EPB41L4B: variants seen among roughly 807,000 people sequenced by gnomAD.
EPB41L4B encodes the protein band 4.1-like protein 4B.
In EPB41L4B, 30 loss-of-function variants were observed where a neutral mutation model predicts 112.5. That is an observed-to-expected ratio of 0.27 (90% CI 0.20 to 0.36). The LOEUF is 0.36. Among genes scored for constraint, EPB41L4B ranks in the 10% least tolerant of loss-of-function variants. EPB41L4B has a pLI of 1.00. For missense variants in EPB41L4B, 1,024 were observed against 1,133.3 expected (o/e 0.90, Z 1.38); for synonymous variants, 408 against 439.7 (o/e 0.93, Z 0.90).
chr9:109,246,828 G>A (rs1834576143), intron 14 of EPB41L4B, among the ~76,000 whole-genome samples: 1 of 152,216 alleles, frequency 6.6e-6, no homozygotes, highest in Non-Finnish European at 1.5e-5. Context: ...AAACGTACCT[G>A]TGCTCCTTCC....
chr9:109,256,563 G>A (rs1444617085), intron 7 of EPB41L4B, 83 bp from the exon 8 acceptor site: 16 of 1,171,814 alleles, frequency 1.4e-5, no homozygotes, highest in African/African-American at 4.6e-5. Context: ...ACTATGGAAC[G>A]TTATGCAGCA....
chr9:109,224,610 G>A (rs375724709), intron 15 of EPB41L4B, among the ~76,000 whole-genome samples: 2 of 152,142 alleles, frequency 1.3e-5, no homozygotes, highest in African/African-American at 2.4e-5. Context: ...TGATGAAAAT[G>A]TTCTAAAATT....
intron 1 of EPB41L4B, among the ~76,000 whole-genome samples, chr9:109,311,025 G>A (rs1588238636): frequency 6.6e-6 from 1 of 152,238 alleles, no homozygotes. Context: ...GTGGTTGCCC[G>A]GGGTTTGGGG....
At chr9:109,279,380 C>T (rs1835951192) in intron 2 of EPB41L4B, among the ~76,000 whole-genome samples, 1 of 152,002 alleles carries the variant, frequency 6.6e-6, no homozygotes, top group Non-Finnish European at 1.5e-5. Context: ...CCATGCCTGG[C>T]TAATTTTTGT....
rs543752043 is a variant in EPB41L4B, at chr9:109,176,709, C to G, written c.2488-13G>C. 3.1e-4 allele frequency: 506 copies of G among 1,613,126 alleles called. 12 individuals are homozygous for G. The South Asian group carries it at 5.3e-3, about 17-fold the overall frequency. On this transcript the variant is annotated splice_polypyrimidine_tract_variant and intron_variant, in intron 24 of 25. Coordinates refer to ENST00000374566, the MANE Select transcript of EPB41L4B (RefSeq NM_019114.5). ...CTCTGAAGTCTGCCTGGAGAAGAAA[C>G]AGGAAAGAGGAGATCAATCTCAATT...
intron 15 of EPB41L4B, among the ~76,000 whole-genome samples, chr9:109,222,335 G>A (rs188545703): frequency 2.0e-4 from 30 of 152,224 alleles, no homozygotes; most frequent in Admixed American, 3.3e-4. Flanking sequence ...AGAATGACTC[G>A]GGTGCTTTCT....
intron 2 of EPB41L4B, among the ~76,000 whole-genome samples, chr9:109,273,192 C>T (rs951602054): frequency 2.0e-5 from 3 of 152,228 alleles, no homozygotes; most frequent in Non-Finnish European, 2.9e-5. Context: ...CAGGAAAACA[C>T]TCGGCCTGCC....
In EPB41L4B at chr9:109,278,003, G is replaced by T. The variant is rs973126750; in HGVS notation, c.411+1814C>A. On this transcript the variant is annotated intron_variant, in intron 2 of 25. Transcript: ENST00000374566. ...AACAGTGTCCAGAATATGTAGGAGG[G>T]CCAGTAACTTCAGTCCTGAGGCTAC... Among the ~76,000 whole-genome samples, 8 of 152,134 alleles carry T rather than the reference G, an allele frequency of 5.3e-5. No individual in the cohort carries two copies. In the South Asian group the frequency reaches 1.7e-3, roughly 32 times the overall value.
At chr9:109,198,925 CAA>C (rs56042513) in intron 20 of EPB41L4B, among the ~76,000 whole-genome samples, 266 of 106,826 alleles carry the variant, frequency 2.5e-3, no homozygotes, top group African/African-American at 6.3e-3. Context: ...GGCTCTGTCT[CAA>C]AAAAAAAAAA....
chr9:109,226,254 A>G (rs924945358), intron 15 of EPB41L4B, among the ~76,000 whole-genome samples: 3 of 152,094 alleles, frequency 2.0e-5, no homozygotes, highest in Non-Finnish European at 4.4e-5. Context: ...AATACAGGAG[A>G]CAAGTCAGGG....
intron 17 of EPB41L4B, among the ~76,000 whole-genome samples, chr9:109,211,054 T>C (rs1833148418): frequency 6.6e-6 from 1 of 152,214 alleles, no homozygotes; most frequent in Non-Finnish European, 1.5e-5. Context: ...AGAATTAAAT[T>C]CTTGTGTTAA....
intron 1 of EPB41L4B, among the ~76,000 whole-genome samples, chr9:109,295,199 T>C (rs1481492631): frequency 1.3e-5 from 2 of 152,100 alleles, no homozygotes; most frequent in Non-Finnish European, 2.9e-5. Context: ...ACTTTGTGCC[T>C]AACTTCACAG....
chr9:109,201,655 C>T (rs1832837524), intron 19 of EPB41L4B, among the ~76,000 whole-genome samples: 1 of 152,084 alleles, frequency 6.6e-6, no homozygotes, highest in Admixed American at 6.5e-5. Context: ...GGGAAAGCTA[C>T]GTGGAGGAGT....
intron 15 of EPB41L4B, chr9:109,241,716 G>A (rs1834358506): frequency 1.2e-6 from 2 of 1,614,010 alleles, no homozygotes; most frequent in Non-Finnish European, 1.7e-6. Context: ...TCCCTCCTAA[G>A]TTCTTCTGGT....
chr9:109,243,771 A>AG (rs1834439304), intron 14 of EPB41L4B, 89 bp from the exon 15 acceptor site: 1 of 1,311,430 alleles, frequency 7.6e-7, no homozygotes, highest in Non-Finnish European at 1.1e-6. Flanking sequence ...CATCCACCCG[A>AG]GGGGCTGGGG....
At position 109,247,745 on chromosome 9, in the gene EPB41L4B, C is replaced by A. The variant is rs779672035; in HGVS notation, c.1344+11G>T. 7.0e-7 allele frequency: 1 copy of A among 1,429,454 alleles called. No individual in the cohort carries two copies. Among genetic ancestry groups the A allele is most frequent in the South Asian group, 1.7e-5 (1 of 60,566 alleles). 88.5% of individuals were successfully genotyped at this position (1,429,454 alleles called of 1,614,324 possible). ...CTTCTTTAAAGAAAACCTTTAAAAG[C>A]AGTATCTTACCTGGTAATTATGGAC... On this transcript the variant is annotated intron_variant, in intron 14 of 25. Coordinates refer to ENST00000374566, the MANE Select transcript of EPB41L4B (RefSeq NM_019114.5).
intron 5 of EPB41L4B, among the ~76,000 whole-genome samples, chr9:109,264,236 G>A (rs953948935): frequency 3.3e-5 from 5 of 151,964 alleles, no homozygotes; most frequent in African/African-American, 9.7e-5. Context: ...TTGCAAATTC[G>A]GAAATTACAT....
chr9:109,213,500 C>G (rs577291986), intron 17 of EPB41L4B, among the ~76,000 whole-genome samples, 200 bp downstream of exon 17: 1 of 152,296 alleles, frequency 6.6e-6, no homozygotes, highest in South Asian at 2.1e-4. Flanking sequence ...GGAACGACGC[C>G]TAATGCTATA....
intron 1 of EPB41L4B, among the ~76,000 whole-genome samples, chr9:109,289,271 C>T (rs1836431639): frequency 6.6e-6 from 1 of 152,306 alleles, no homozygotes; most frequent in Non-Finnish European, 1.5e-5. Flanking sequence ...AAATACAAGG[C>T]CCACCCCACC....
Sources: gnomAD v4.1 joint callset for allele counts (sites outside exome capture counted in the v4.1 genomes callset) on GRCh38, gnomAD v4.1.1 for gene constraint, MANE v1.5 for transcripts, NCBI Gene and HGNC (gene_info 2026-07-23, HGNC 2026-07-21) for gene names.